The following PAM variants were observed in gnomAD, a reference collection of about 807,000 sequenced individuals.
PAM encodes peptidylglycine alpha-amidating monooxygenase, also known as peptidyl-glycine alpha-amidating monooxygenase.
PAM carries 72 observed loss-of-function variants against 122.1 expected under a neutral mutation model. The ratio of observed to expected loss-of-function variants is 0.59; its 90% CI spans 0.49 to 0.72. PAM has a LOEUF of 0.72. Ranked by LOEUF, PAM falls within the 30% of genes least tolerant of loss-of-function variation. The pLI is 0.00. For synonymous variants in PAM, 389 were observed against 404.4 expected, an observed-to-expected ratio of 0.96 and a Z score of 0.46; for missense variants, 1,106 against 1,183.7, an observed-to-expected ratio of 0.93 and a Z score of 0.96.
At chr5:102,882,679 C>T (rs1791692455) in intron 3 of PAM, among the ~76,000 whole-genome samples, 1 of 152,058 alleles carries the variant, frequency 6.6e-6, no homozygotes, top group Non-Finnish European at 1.5e-5. Context: ...TGTCTGTTTA[C>T]TATGCTGATT....
chr5:102,935,206 T>C (rs963584644), intron 7 of PAM, among the ~76,000 whole-genome samples: 14 of 152,138 alleles, frequency 9.2e-5, no homozygotes, highest in African/African-American at 3.4e-4. Context: ...CATTAGCTTA[T>C]CTCAGCATTT....
chr5:102,784,553 A>G (rs1423070581), intron 1 of PAM, among the ~76,000 whole-genome samples: 1 of 152,176 alleles, frequency 6.6e-6, no homozygotes, highest in East Asian at 1.9e-4. Flanking sequence ...TCACTTTCTG[A>G]GGACAGGTAC....
intron 4 of PAM, among the ~76,000 whole-genome samples, chr5:102,905,586 A>T (rs1296985587): frequency 6.6e-6 from 1 of 151,676 alleles, no homozygotes; most frequent in Non-Finnish European, 1.5e-5. Context: ...GATCATGCTT[A>T]TGGGTCACTA....
intron 1 of PAM, among the ~76,000 whole-genome samples, chr5:102,843,864 GACAAAGAT>G (rs567581844): frequency 1.8e-4 from 27 of 152,138 alleles, no homozygotes; most frequent in Non-Finnish European, 3.5e-4. Context: ...ATCAAATACT[GACAAAGAT>G]ACAGAGAAAT....
intron 1 of PAM, among the ~76,000 whole-genome samples, chr5:102,814,619 A>G (rs932861065): frequency 2.3e-4 from 35 of 149,956 alleles, no homozygotes; most frequent in African/African-American, 8.5e-4. Context: ...ATTGATATGT[A>G]TATAGAGGAT....
chr5:102,786,676 T>C (rs1481550161), intron 1 of PAM, among the ~76,000 whole-genome samples: 1 of 152,180 alleles, frequency 6.6e-6, no homozygotes, highest in African/African-American at 2.4e-5. Context: ...GTTAGACACA[T>C]GCCATTTTTT....
intron 1 of PAM, among the ~76,000 whole-genome samples, chr5:102,836,038 G>A (rs989280152): frequency 1.3e-5 from 2 of 152,134 alleles, no homozygotes; most frequent in African/African-American, 4.8e-5. Flanking sequence ...CCATTTGTCT[G>A]GGAGATTGAA....
intron 4 of PAM, among the ~76,000 whole-genome samples, chr5:102,904,508 T>C (rs1343500982): frequency 6.6e-6 from 1 of 151,592 alleles, no homozygotes; most frequent in African/African-American, 2.4e-5. Flanking sequence ...CCTTGAATTA[T>C]ATTCTAATCT....
intron 3 of PAM, among the ~76,000 whole-genome samples, chr5:102,889,191 T>C (rs942205145): frequency 6.6e-6 from 1 of 151,960 alleles, no homozygotes; most frequent in African/African-American, 2.4e-5. Flanking sequence ...CTTTATGGAC[T>C]ACATTAATGG....
chr5:103,017,878 A>C (rs1334879538), intron 22 of PAM, among the ~76,000 whole-genome samples: 1 of 152,220 alleles, frequency 6.6e-6, no homozygotes, highest in Non-Finnish European at 1.5e-5. Context: ...AAGAAGAAGC[A>C]CTTTGAATTT....
chr5:102,908,380 G>A (rs1306301569), intron 4 of PAM, among the ~76,000 whole-genome samples: 1 of 152,010 alleles, frequency 6.6e-6, no homozygotes, highest in African/African-American at 2.4e-5. Flanking sequence ...CTGTAGCCTT[G>A]TAGTATAGTT....
chr5:102,821,928 TA>T (rs1181065441), intron 1 of PAM, among the ~76,000 whole-genome samples: 5 of 152,208 alleles, frequency 3.3e-5, no homozygotes, highest in African/African-American at 1.2e-4. Flanking sequence ...AATAAAAACC[TA>T]AATTGCTTCT....
At chr5:102,767,109 G>C (rs1345677093) in intron 1 of PAM, among the ~76,000 whole-genome samples, 1 of 151,022 alleles carries the variant, frequency 6.6e-6, no homozygotes, top group Non-Finnish European at 1.5e-5. Context: ...ACAACCAGAA[G>C]GGTTTATGGT....
chr5:102,929,987 GT>G (rs1300701854), intron 7 of PAM, among the ~76,000 whole-genome samples: 1 of 151,792 alleles, frequency 6.6e-6, no homozygotes, highest in South Asian at 2.1e-4. Flanking sequence ...GACCATCCCT[GT>G]TTTAGACTGT....
intron 21 of PAM, among the ~76,000 whole-genome samples, chr5:103,010,400 T>C (rs775834183): frequency 1.9e-4 from 29 of 152,214 alleles, no homozygotes; most frequent in Non-Finnish European, 3.5e-4. Flanking sequence ...CAAAAGTGTT[T>C]TCCCACTGTT....
intron 1 of PAM, among the ~76,000 whole-genome samples, chr5:102,791,894 G>A (rs1762156105): frequency 6.6e-6 from 1 of 151,994 alleles, no homozygotes; most frequent in African/African-American, 2.4e-5. Context: ...ATAGCTATAG[G>A]GAACATTTTA....
At chr5:102,940,671 T>C (rs114773298) in intron 7 of PAM, among the ~76,000 whole-genome samples, 1,903 of 152,084 alleles carry the variant, frequency 0.013, 45 homozygotes, top group African/African-American at 0.043. Flanking sequence ...CCAAAGCCCA[T>C]GAAGCAAGTG....
At chr5:102,897,880 A>G (rs1581461283) in intron 3 of PAM, among the ~76,000 whole-genome samples, 1 of 151,676 alleles carries the variant, frequency 6.6e-6, no homozygotes, top group African/African-American at 2.4e-5. Flanking sequence ...CATATGTAAT[A>G]ATATACAGAG....
At chr5:102,873,045 A>G (rs1788033007) in intron 3 of PAM, among the ~76,000 whole-genome samples, 1 of 152,080 alleles carries the variant, frequency 6.6e-6, no homozygotes, top group Non-Finnish European at 1.5e-5. Flanking sequence ...TAGCAAACCT[A>G]CATATGTACT....
Sources: allele counts gnomAD v4.1 joint callset (sites outside exome capture counted in the v4.1 genomes callset), GRCh38; gene constraint gnomAD v4.1.1; transcripts MANE v1.5; gene names NCBI Gene and HGNC (gene_info 2026-07-23, HGNC 2026-07-21).